The following RASEF variants were observed in gnomAD, a reference collection of about 807,000 sequenced individuals.
RASEF encodes RAS and EF-hand domain containing, also known as ras and EF-hand domain-containing protein.
Under a neutral mutation model 90.1 loss-of-function variants are expected in RASEF, and 68 were observed. The ratio of observed to expected loss-of-function variants is 0.75; its 90% CI spans 0.62 to 0.92. The LOEUF (loss-of-function observed/expected upper bound fraction) is 0.92. Among genes scored for constraint, RASEF ranks in the 40% least tolerant of loss-of-function variants. The probability of loss-of-function intolerance (pLI) is 0.00; values close to 1 mark genes in which losing one functional copy is unlikely to be tolerated. For missense variants in RASEF, 949 were observed against 937.2 expected (o/e 1.01, Z -0.16); for synonymous variants, 331 against 345.2 (o/e 0.96, Z 0.46).
the RASEF span, among the ~76,000 whole-genome samples, chr9:83,207,325 CGAGTT>C: frequency 2.0e-5 from 3 of 152,264 alleles, no homozygotes; most frequent in East Asian, 1.9e-4. Flanking sequence ...CTTTTGCTCT[CGAGTT>C]ATTTCCTTGG....
At chr9:83,086,183 T>C in the RASEF span, among the ~76,000 whole-genome samples, 1 of 152,200 alleles carries the variant, frequency 6.6e-6, no homozygotes, top group Admixed American at 6.5e-5. Flanking sequence ...AGAATTAATA[T>C]CTTAAAATCA....
intron 1 of RASEF, among the ~76,000 whole-genome samples, chr9:83,045,819 A>T (rs1369672193): frequency 6.6e-6 from 1 of 152,224 alleles, no homozygotes; most frequent in Non-Finnish European, 1.5e-5. Context: ...ACAGCCACTG[A>T]AATGCAAGTC....
chr9:83,159,935 G>A, the RASEF span, among the ~76,000 whole-genome samples: 1 of 152,190 alleles, frequency 6.6e-6, no homozygotes, highest in African/African-American at 2.4e-5. Flanking sequence ...GTAAAAACAG[G>A]AGTTTCCCTG....
Position 83,001,082 on chromosome 9 carries a change from G to A in RASEF, c.1251C>T (p.Leu417=). ...YVDEDCDSLA[L]CDPLQRTNCE... ...AATTTGTCCTCTGCAGAGGATCACA[G>A]AGGGCCAGGGAGTCACAGTCCTCAT... is the stretch of plus-strand genomic sequence containing the variant. The change falls in exon 10 of 17, where the codon CTC becomes CTT. Residue 417 remains leucine (L), a synonymous_variant. Coordinates refer to ENST00000376447, the MANE Select transcript of RASEF (RefSeq NM_152573.4). 2 of 1,614,166 alleles carry A rather than the reference G, an allele frequency of 1.2e-6. No homozygotes were observed. Among genetic ancestry groups the A allele is most frequent in the Non-Finnish European group, 1.7e-6 (2 of 1,180,018 alleles).
At chr9:83,150,857 A>G in the RASEF span, among the ~76,000 whole-genome samples, 18 of 152,316 alleles carry the variant, frequency 1.2e-4, no homozygotes, top group Admixed American at 2.0e-4. Flanking sequence ...GAAGACAAAA[A>G]CTGCAACCAA....
chr9:83,048,198 T>G, intron 1 of RASEF: 1 of 985,364 alleles, frequency 1.0e-6, no homozygotes, highest in Non-Finnish European at 1.2e-6. Flanking sequence ...GGAAGGAGCT[T>G]GGAGGTCATC....
At chr9:83,188,805 AC>A in the RASEF span, among the ~76,000 whole-genome samples, 3 of 152,128 alleles carry the variant, frequency 2.0e-5, no homozygotes, top group Non-Finnish European at 1.5e-5. Flanking sequence ...AGATTTTTAA[AC>A]CCCTTGAGTT....
the RASEF span, among the ~76,000 whole-genome samples, chr9:83,159,600 A>G: frequency 6.6e-6 from 1 of 152,228 alleles, no homozygotes; most frequent in Non-Finnish European, 1.5e-5. Flanking sequence ...AAGACATTTT[A>G]TGGAGCTCCT....
At chr9:83,190,198 G>A in the RASEF span, among the ~76,000 whole-genome samples, 9 of 152,288 alleles carry the variant, frequency 5.9e-5, no homozygotes, top group East Asian at 9.6e-4. Flanking sequence ...CAGAAACGCT[G>A]TATGTACTCC....
chr9:83,105,129 G>T, the RASEF span, among the ~76,000 whole-genome samples: 1 of 152,074 alleles, frequency 6.6e-6, no homozygotes, highest in East Asian at 1.9e-4. Context: ...CTCAAGCCTG[G>T]GCATCTACAA....
the RASEF span, among the ~76,000 whole-genome samples, chr9:83,096,459 C>T: frequency 6.6e-6 from 1 of 152,026 alleles, no homozygotes; most frequent in Non-Finnish European, 1.5e-5. Context: ...GATGCTTACG[C>T]ATGAAAAAGC....
At chr9:83,105,130 G>A in the RASEF span, among the ~76,000 whole-genome samples, 1 of 152,124 alleles carries the variant, frequency 6.6e-6, no homozygotes, top group Admixed American at 6.5e-5. Flanking sequence ...TCAAGCCTGG[G>A]CATCTACAAG....
chr9:83,002,552 C>T, intron 9 of RASEF, among the ~76,000 whole-genome samples: 1 of 150,586 alleles, frequency 6.6e-6, no homozygotes, highest in South Asian at 2.1e-4. Flanking sequence ...ATAACAATAA[C>T]AATGAAAATA....
chr9:83,156,157 G>T, the RASEF span, among the ~76,000 whole-genome samples: 3 of 152,092 alleles, frequency 2.0e-5, no homozygotes. Flanking sequence ...TTTAGAAGAG[G>T]CCTGCCTTCT....
At chr9:83,188,545 T>C in the RASEF span, among the ~76,000 whole-genome samples, 1 of 152,224 alleles carries the variant, frequency 6.6e-6, no homozygotes, top group African/African-American at 2.4e-5. Context: ...TCGGCATCTC[T>C]ATTGTGTGCT....
the RASEF span, among the ~76,000 whole-genome samples, chr9:83,113,080 T>G: frequency 6.6e-6 from 1 of 152,180 alleles, no homozygotes; most frequent in Non-Finnish European, 1.5e-5. Context: ...TATCATAACC[T>G]GTGTTGCAGG....
chr9:83,063,948 C>G (rs1279283144), upstream of RASEF, among the ~76,000 whole-genome samples: 1 of 152,174 alleles, frequency 6.6e-6, no homozygotes, highest in Non-Finnish European at 1.5e-5. Flanking sequence ...CTTATGTAAC[C>G]GTGCCTTTAG....
chr9:83,124,160 G>A, the RASEF span, among the ~76,000 whole-genome samples: 2 of 152,172 alleles, frequency 1.3e-5, no homozygotes, highest in Non-Finnish European at 2.9e-5. Context: ...ATATTCCATT[G>A]TAGGTATATA....
At chr9:83,129,543 T>A in the RASEF span, among the ~76,000 whole-genome samples, 8 of 152,236 alleles carry the variant, frequency 5.3e-5, no homozygotes, top group African/African-American at 1.9e-4. Flanking sequence ...AGAATTGCAC[T>A]CTTCCTGTTT....
Sources: allele counts gnomAD v4.1 joint callset (sites outside exome capture counted in the v4.1 genomes callset), GRCh38; gene constraint gnomAD v4.1.1; transcripts MANE v1.5; gene names NCBI Gene and HGNC (gene_info 2026-07-23, HGNC 2026-07-21).